TTC29: variants seen among roughly 807,000 people sequenced by gnomAD.
TTC29 encodes tetratricopeptide repeat domain 29.
Under a neutral mutation model 58.1 loss-of-function variants are expected in TTC29, and 49 were observed. The observed-to-expected ratio is 0.84, with a 90% confidence interval of 0.67 to 1.07. The LOEUF (loss-of-function observed/expected upper bound fraction) is 1.07. Ranked by LOEUF, TTC29 falls within the 50% of genes least tolerant of loss-of-function variation. TTC29 has a pLI of 0.00. For missense variants in TTC29, 582 were observed against 555.6 expected, an observed-to-expected ratio of 1.05 and a Z score of -0.48; for synonymous variants, 209 against 196.8, an observed-to-expected ratio of 1.06 and a Z score of -0.52.
At chr4:146,830,211 A>G (rs1728067656) in intron 9 of TTC29, among the ~76,000 whole-genome samples, 1 of 152,320 alleles carries the variant, frequency 6.6e-6, no homozygotes, top group Non-Finnish European at 1.5e-5. Flanking sequence ...TATGCTGCTT[A>G]AAGTCTTAAC....
chr4:146,911,332 A>G (rs1733882914), intron 4 of TTC29, among the ~76,000 whole-genome samples: 1 of 152,176 alleles, frequency 6.6e-6, no homozygotes, highest in Non-Finnish European at 1.5e-5. Flanking sequence ...ATGTATCCTA[A>G]TGACTGCTCA....
chr4:146,925,121 C>T (rs1478986002), intron 4 of TTC29, among the ~76,000 whole-genome samples: 1 of 151,944 alleles, frequency 6.6e-6, no homozygotes, highest in African/African-American at 2.4e-5. Context: ...TGTTTTATGG[C>T]CCAGACTATA....
chr4:146,744,371 A>AAG lies in TTC29; in HGVS notation c.1331-36822_1331-36821dup, dbSNP rs373720097. ...ACACAGTGAGACCCCCATCTCTTAA[A>AAG]AGAGAGAGAGAGAGAGGAGGAGGAT... On this transcript the variant is annotated intron_variant, in intron 11 of 12. Coordinates refer to ENST00000325106, the MANE Select transcript of TTC29 (RefSeq NM_031956.4). 7.8e-3 allele frequency among the ~76,000 whole-genome samples: 1,181 copies of AAG among 150,612 alleles called. 7 individuals carry two copies. Among genetic ancestry groups the AAG allele is most frequent in the South Asian group, 0.016 (74 of 4,770 alleles).
intron 11 of TTC29, among the ~76,000 whole-genome samples, chr4:146,728,270 A>G (rs1490953699): frequency 6.6e-6 from 1 of 151,488 alleles, no homozygotes; most frequent in Non-Finnish European, 1.5e-5. Flanking sequence ...TGGGCAACAG[A>G]GTGAGAGCCC....
intron 5 of TTC29, among the ~76,000 whole-genome samples, chr4:146,904,365 T>G (rs1733380685): frequency 6.6e-6 from 1 of 152,194 alleles, no homozygotes; most frequent in African/African-American, 2.4e-5. Context: ...GGTATTTTTT[T>G]GCTGGGAATG....
chr4:146,841,825 C>G (rs1236965099), intron 8 of TTC29, among the ~76,000 whole-genome samples: 1 of 152,000 alleles, frequency 6.6e-6, no homozygotes, highest in African/African-American at 2.4e-5. Flanking sequence ...GTGACTTAAT[C>G]TCTCTGGGCC....
At chr4:146,841,568 AT>A (rs70958530) in intron 8 of TTC29, among the ~76,000 whole-genome samples, 58,279 of 151,612 alleles carry the variant, frequency 0.38, 11,967 homozygotes, top group African/African-American at 0.51. Context: ...GAACACGAAT[AT>A]TTTTTTTCTT....
chr4:146,707,689 A>C (rs1742076132), intron 11 of TTC29, 138 bp from the exon 12 acceptor site: 1 of 581,586 alleles, frequency 1.7e-6, no homozygotes, highest in Non-Finnish European at 3.0e-6. Flanking sequence ...TCACCAGGGC[A>C]GATTGTATTG....
chr4:146,726,420 T>C (rs933863796), intron 11 of TTC29, among the ~76,000 whole-genome samples: 1 of 152,096 alleles, frequency 6.6e-6, no homozygotes, highest in Non-Finnish European at 1.5e-5. Flanking sequence ...ACCACTGCAC[T>C]CCAGCCTAAT....
chr4:146,722,825 G>A (rs550162599), intron 11 of TTC29, among the ~76,000 whole-genome samples: 1 of 152,192 alleles, frequency 6.6e-6, no homozygotes, highest in East Asian at 1.9e-4. Flanking sequence ...AGCCACCTCA[G>A]TAGCTGGGAT....
At chr4:146,775,734 G>T (rs1366068405) in intron 11 of TTC29, among the ~76,000 whole-genome samples, 1 of 151,852 alleles carries the variant, frequency 6.6e-6, no homozygotes, top group East Asian at 1.9e-4. Flanking sequence ...TGTGTCTTAG[G>T]GATGGTTGTC....
Position 146,826,692 on chromosome 4 carries a change from C to T in TTC29, c.978-6444G>A, listed in dbSNP as rs531841826. On this transcript the variant is annotated intron_variant, in intron 9 of 12. Transcript: ENST00000325106. ...TTGGGAAAATTCTCCTGGATAATAT[C>T]CTGAAGCGTATTTTCCAGCTTGTTT... Among the ~76,000 whole-genome samples the T allele has an allele frequency of 2.6e-5, 4 of 152,162 alleles. No individual in the cohort carries two copies. In the South Asian group the frequency reaches 8.3e-4, roughly 32 times the overall value.
chr4:146,916,096 T>C (rs1734202027), intron 4 of TTC29, among the ~76,000 whole-genome samples: 1 of 151,990 alleles, frequency 6.6e-6, no homozygotes, highest in South Asian at 2.1e-4. Context: ...AATACTTAAA[T>C]AGCTTCAGTT....
At chr4:146,743,510 T>C (rs1043608327) in intron 11 of TTC29, among the ~76,000 whole-genome samples, 1 of 152,202 alleles carries the variant, frequency 6.6e-6, no homozygotes, top group Non-Finnish European at 1.5e-5. Flanking sequence ...TTTTTTCTTT[T>C]ATGTTTTAAA....
chr4:146,791,596 A>G, intron 11 of TTC29, among the ~76,000 whole-genome samples: 1 of 152,180 alleles, frequency 6.6e-6, no homozygotes, highest in East Asian at 1.9e-4. Context: ...TAATAACCCT[A>G]CACTGGCCTC....
At chr4:146,934,641 G>A (rs1256930301) in intron 4 of TTC29, among the ~76,000 whole-genome samples, 1 of 151,912 alleles carries the variant, frequency 6.6e-6, no homozygotes, top group Non-Finnish European at 1.5e-5. Context: ...CTAGGACCCA[G>A]CCTTTGGGCA....
At chr4:146,894,929 C>A (rs1439683153) in intron 6 of TTC29, among the ~76,000 whole-genome samples, 1 of 152,122 alleles carries the variant, frequency 6.6e-6, no homozygotes, top group Non-Finnish European at 1.5e-5. Context: ...GTTTACTGTA[C>A]AGATCATCCC....
chr4:146,819,136 TA>T (rs1421691836), intron 10 of TTC29, among the ~76,000 whole-genome samples: 7 of 149,142 alleles, frequency 4.7e-5, no homozygotes, highest in South Asian at 4.2e-4. Flanking sequence ...AAATAAATAA[TA>T]AAAAAATAAA....
At chr4:146,863,526 C>T (rs1049695271) in intron 8 of TTC29, among the ~76,000 whole-genome samples, 1 of 152,202 alleles carries the variant, frequency 6.6e-6, no homozygotes, top group Non-Finnish European at 1.5e-5. Flanking sequence ...TTTAATCACC[C>T]TATGTAGCCA....
Sources: allele counts gnomAD v4.1 joint callset (sites outside exome capture counted in the v4.1 genomes callset), GRCh38; gene constraint gnomAD v4.1.1; transcripts MANE v1.5; gene names NCBI Gene and HGNC (gene_info 2026-07-23, HGNC 2026-07-21).